The following DMD variants were observed in gnomAD, a reference collection of about 807,000 sequenced individuals.
DMD encodes dystrophin.
In DMD, 63 loss-of-function variants were observed where a neutral mutation model predicts 330.1. The ratio of observed to expected loss-of-function variants is 0.19; its 90% confidence interval spans 0.16 to 0.24. The LOEUF (loss-of-function observed/expected upper bound fraction) is 0.24, where lower values mean the gene tolerates loss of function less well. DMD is among the 10% of genes least tolerant of loss of function. DMD has a pLI of 1.00. For missense variants in DMD, 3,344 were observed against 2,684.1 expected, an observed-to-expected ratio of 1.25 and a Z score of -5.43; for synonymous variants, 1,223 against 959.8, an observed-to-expected ratio of 1.27 and a Z score of -5.07.
At chrX:31,918,478 C>T (rs776672526) in intron 47 of DMD, among the ~76,000 whole-genome samples, 96 of 111,233 alleles carry the variant, frequency 8.6e-4, no homozygotes, top group African/African-American at 2.5e-3. Context: ...TTTGAGGCCA[C>T]GTTGGGAATT....
intron 50 of DMD, among the ~76,000 whole-genome samples, chrX:31,799,062 C>T (rs1487768221): frequency 8.9e-6 from 1 of 111,931 alleles, no homozygotes; most frequent in Admixed American, 9.4e-5. Context: ...AGACTCTGAT[C>T]CCCAGCTCAA....
intron 43 of DMD, among the ~76,000 whole-genome samples, chrX:32,228,681 G>T (rs747408876): frequency 1.8e-5 from 2 of 111,526 alleles, no homozygotes; most frequent in Non-Finnish European, 3.8e-5. Context: ...GCATTTAATT[G>T]AGTCTTAATT....
intron 60 of DMD, among the ~76,000 whole-genome samples, chrX:31,372,328 T>G (rs757940098): frequency 6.2e-5 from 7 of 112,161 alleles, no homozygotes; most frequent in Non-Finnish European, 1.1e-4. Flanking sequence ...ATGATACAAC[T>G]TCACTCCTCA....
chrX:31,334,091 C>A (rs1330054957), intron 61 of DMD, among the ~76,000 whole-genome samples: 1 of 112,010 alleles, frequency 8.9e-6, no homozygotes, highest in African/African-American at 3.2e-5. Context: ...TGTCACCATG[C>A]CCAGCTAACT....
chrX:32,764,597 C>G (rs1050490516), intron 7 of DMD, among the ~76,000 whole-genome samples: 1 of 111,704 alleles, frequency 9.0e-6, no homozygotes, highest in Non-Finnish European at 1.9e-5. Flanking sequence ...CATCAAGATT[C>G]ATCCATGCTA....
chrX:31,337,322 A>G (rs991059208), intron 61 of DMD, among the ~76,000 whole-genome samples: 1 of 111,698 alleles, frequency 9.0e-6, no homozygotes, highest in Non-Finnish European at 1.9e-5. Flanking sequence ...CACATAACAG[A>G]GCAGTACCTG....
At chrX:31,571,969 T>A (rs187666057) in intron 55 of DMD, among the ~76,000 whole-genome samples, 1 of 111,100 alleles carries the variant, frequency 9.0e-6, no homozygotes, top group African/African-American at 3.3e-5. Flanking sequence ...TTGCTAAAAA[T>A]TATTTTCTTT....
At chrX:32,780,909 G>A (rs1371608959) in intron 7 of DMD, among the ~76,000 whole-genome samples, 2 of 106,623 alleles carry the variant, frequency 1.9e-5, no homozygotes, top group Admixed American at 1.0e-4. Flanking sequence ...GGCTAACACA[G>A]TGAAACCCCG....
chrX:32,524,468 A>G lies in DMD; in HGVS notation c.2169-6337T>C, dbSNP rs1054396989. Among the ~76,000 whole-genome samples the G allele has an allele frequency of 4.5e-5, 5 of 112,249 alleles. No individual in the cohort carries two copies. In the Admixed American group the frequency reaches 4.7e-4, roughly 11 times the overall value. ...GAAGCATTTGTTTGACAAGATAAAA[A>G]TGGTTTAGACACAGAACTGGGGCTC... On this transcript the variant is annotated intron_variant, in intron 17 of 78. Coordinates refer to ENST00000357033, the MANE Select transcript of DMD (RefSeq NM_004006.3).
intron 44 of DMD, among the ~76,000 whole-genome samples, chrX:32,156,606 C>T (rs910047675): frequency 3.9e-5 from 4 of 101,677 alleles, no homozygotes; most frequent in East Asian, 3.2e-4. Context: ...TGTGTGTATA[C>T]GTATACTTTT....
chrX:32,962,282 T>A (rs1315387430), intron 2 of DMD, among the ~76,000 whole-genome samples: 1 of 112,222 alleles, frequency 8.9e-6, no homozygotes, highest in Non-Finnish European at 1.9e-5. Context: ...ATTAAGGTTA[T>A]GCTTTTGAGT....
intron 1 of DMD, among the ~76,000 whole-genome samples, chrX:33,314,121 A>G (rs2053891388): frequency 9.1e-6 from 1 of 109,360 alleles, no homozygotes; most frequent in Admixed American, 9.9e-5. Context: ...ACGCACACAC[A>G]CACACACACA....
At chrX:33,290,165 G>A (rs1190467672) in intron 1 of DMD, among the ~76,000 whole-genome samples, 2 of 111,387 alleles carry the variant, frequency 1.8e-5, no homozygotes, top group Admixed American at 9.6e-5. Flanking sequence ...TTCAAGACAC[G>A]TAGATTCTAC....
intron 62 of DMD, among the ~76,000 whole-genome samples, chrX:31,302,998 C>T (rs1482449100): frequency 1.8e-5 from 2 of 111,827 alleles, no homozygotes; most frequent in Non-Finnish European, 3.8e-5. Context: ...TATCTTTGCT[C>T]AAAGCTTCTT....
intron 26 of DMD, among the ~76,000 whole-genome samples, chrX:32,453,044 A>G (rs758147195): frequency 1.8e-5 from 2 of 111,151 alleles, no homozygotes; most frequent in African/African-American, 3.3e-5. Context: ...TAAATGCTCT[A>G]TAAGTCAAGT....
At chrX:32,689,769 C>T (rs2063138540) in intron 9 of DMD, among the ~76,000 whole-genome samples, 1 of 110,550 alleles carries the variant, frequency 9.0e-6, no homozygotes, top group South Asian at 3.7e-4. Context: ...TATGATACAC[C>T]ACGTTAACAG....
intron 67 of DMD, among the ~76,000 whole-genome samples, chrX:31,199,860 CA>C (rs2043262052): frequency 1.8e-5 from 2 of 112,136 alleles, no homozygotes; most frequent in African/African-American, 6.5e-5. Context: ...GGAACCAGCC[CA>C]GCCTCATTCT....
intron 45 of DMD, among the ~76,000 whole-genome samples, chrX:31,939,392 G>T (rs1223591716): frequency 8.9e-6 from 1 of 111,888 alleles, no homozygotes; most frequent in Non-Finnish European, 1.9e-5. Context: ...TCACTATTAA[G>T]GAAATGATTA....
At chrX:31,581,826 G>A (rs889131845) in intron 55 of DMD, among the ~76,000 whole-genome samples, 1 of 111,930 alleles carries the variant, frequency 8.9e-6, no homozygotes, top group Non-Finnish European at 1.9e-5. Flanking sequence ...AAATTTCAAT[G>A]GCAAAGTATA....
Sources: gnomAD v4.1 joint callset for allele counts (sites outside exome capture counted in the v4.1 genomes callset) on GRCh38, gnomAD v4.1.1 for gene constraint, MANE v1.5 for transcripts, NCBI Gene and HGNC (gene_info 2026-07-23, HGNC 2026-07-21) for gene names.